FCHO2: variants seen among roughly 807,000 people sequenced by gnomAD.
The protein encoded by FCHO2 is FCH and mu domain containing endocytic adaptor 2.
Under a neutral mutation model 114.1 loss-of-function variants are expected in FCHO2, and 43 were observed. That is an observed-to-expected ratio of 0.38 (90% CI 0.30 to 0.49). The LOEUF (loss-of-function observed/expected upper bound fraction) is 0.49. Ranked by LOEUF, FCHO2 falls within the 20% of genes least tolerant of loss-of-function variation. The probability of loss-of-function intolerance (pLI) is 0.97; values close to 1 mark genes in which losing one functional copy is unlikely to be tolerated. For missense variants in FCHO2, 807 were observed against 950.4 expected (o/e 0.85, Z 1.98); for synonymous variants, 293 against 315.2 (o/e 0.93, Z 0.75).
At chr5:72,974,885 G>T (rs62360748) in intron 2 of FCHO2, among the ~76,000 whole-genome samples, 21,027 of 152,076 alleles carry the variant, frequency 0.14, 1,652 homozygotes, top group East Asian at 0.35. Flanking sequence ...GGGAGCTCTT[G>T]TAGGGCAGGC....
chr5:73,004,133 T>G (rs1483807391), intron 5 of FCHO2, among the ~76,000 whole-genome samples: 2 of 151,674 alleles, frequency 1.3e-5, no homozygotes, highest in African/African-American at 4.8e-5. Context: ...AATACAGGTA[T>G]TAGAAGAACA....
intron 7 of FCHO2, 45 bp downstream of exon 7, chr5:73,015,769 T>C: frequency 1.7e-6 from 2 of 1,207,272 alleles, no homozygotes; most frequent in Non-Finnish European, 2.3e-6. Flanking sequence ...AAAAATTTGT[T>C]TATTTATAGC....
At chr5:73,010,613 A>C (rs937760743) in intron 6 of FCHO2, among the ~76,000 whole-genome samples, 20 of 152,084 alleles carry the variant, frequency 1.3e-4, no homozygotes, top group Non-Finnish European at 2.1e-4. Flanking sequence ...ATGGTGGCTC[A>C]CGCCTGTAAT....
intron 5 of FCHO2, 141 bp downstream of exon 5, chr5:72,991,005 G>A: frequency 1.1e-6 from 1 of 876,412 alleles, no homozygotes. Context: ...GATTACCCAA[G>A]TAAAACACAG....
intron 6 of FCHO2, among the ~76,000 whole-genome samples, chr5:73,007,226 G>A (rs1208087084): frequency 6.6e-6 from 1 of 152,108 alleles, no homozygotes; most frequent in African/African-American, 2.4e-5. Flanking sequence ...CAATATCAAG[G>A]GTTTATTACT....
rs1245599424 is a variant in FCHO2 at position 72,989,490 on chromosome 5, T to C, written c.189T>C (p.Tyr63=). The C allele has an allele frequency of 6.2e-7, 1 of 1,602,410 alleles. No individual in the cohort carries two copies. Among genetic ancestry groups the C allele is most frequent in the Non-Finnish European group, 8.5e-7 (1 of 1,174,014 alleles). Residue 63 remains tyrosine, a synonymous_variant, in exon 3 of 26, where the codon TAT becomes TAC. Transcript: ENST00000430046. The part of the protein sequence containing the change: ...MTKLAKSASN[Y]SQLGTFAPVW... ...AACTAGCAAAATCTGCAAGCAATTA[T>C]TCACAACTTGGGTGAGTTAATTTCT... is the stretch of plus-strand genomic sequence containing the variant.
At position 72,956,079 on chromosome 5, in the gene FCHO2, C is replaced by G. The variant is rs1338440913; in HGVS notation, c.-18C>G. 2 of 1,539,172 alleles carry G rather than the reference C, an allele frequency of 1.3e-6. No individual in the cohort carries two copies. Among genetic ancestry groups the G allele is most frequent in the Non-Finnish European group, 1.8e-6 (2 of 1,142,024 alleles). The stretch of plus-strand genomic sequence containing the variant: ...GGCGGGCGGGCGCGGACGCGGAACC[C>G]GGCGCGGCGGCGGCACGATGGTCAT... On this transcript the variant is annotated 5_prime_UTR_variant, in exon 1 of 26. Coordinates refer to ENST00000430046, the MANE Select transcript of FCHO2 (RefSeq NM_138782.3).
rs866506005 is a variant in FCHO2, at chr5:72,968,558, A to G, written c.94A>G (p.Thr32Ala). 1.3e-6 allele frequency: 2 copies of G among 1,541,160 alleles called. No homozygotes were observed. The highest frequency in any genetic ancestry group is 8.7e-7 in the Non-Finnish European group (1 of 1,152,250). The change falls in exon 2 of 26, where the codon ACA becomes GCA. Residue 32 changes from threonine (T) to alanine (A), a missense_variant. Thr to Ala is a moderately conservative substitution (Grantham distance 58, BLOSUM62 0). Transcript: ENST00000430046. The part of the protein sequence containing the change: ...YHNMKHGQIS[T>A]KELADFVRER... ...TAATATGAAACATGGACAGATATCA[A>G]CAAAAGAACTAGCAGATTTTGTAAG... is the stretch of plus-strand genomic sequence containing the variant.
intron 6 of FCHO2, among the ~76,000 whole-genome samples, chr5:73,015,286 G>A (rs1039297245): frequency 6.7e-6 from 1 of 150,316 alleles, no homozygotes; most frequent in African/African-American, 2.4e-5. Flanking sequence ...TTTTGGAGAC[G>A]GAGTCTCGCT....
chr5:72,963,902 GTTTTTTTTTTTT>G (rs70973214), intron 1 of FCHO2, among the ~76,000 whole-genome samples: 31 of 95,724 alleles, frequency 3.2e-4, no homozygotes, highest in South Asian at 1.8e-3. Context: ...GGAACTTTCA[GTTTTTTTTTTTT>G]TTTTTTTTTT....
At chr5:73,026,653 T>G (rs1465850722) in intron 8 of FCHO2, among the ~76,000 whole-genome samples, 1 of 152,130 alleles carries the variant, frequency 6.6e-6, no homozygotes, top group Non-Finnish European at 1.5e-5. Context: ...GTTATATTAC[T>G]TATTGTATGT....
chr5:72,961,816 C>G (rs1461258660), intron 1 of FCHO2, among the ~76,000 whole-genome samples: 4 of 152,148 alleles, frequency 2.6e-5, no homozygotes, highest in African/African-American at 7.2e-5. Flanking sequence ...GTCTCGAACT[C>G]CTGACCTCAG....
At position 73,006,498 on chromosome 5, in the gene FCHO2, A is replaced by G. The variant is rs774724090; in HGVS notation, c.549A>G (p.Lys183=). 6.3e-7 allele frequency: 1 copy of G among 1,580,158 alleles called. No individual in the cohort carries two copies. Among genetic ancestry groups the G allele is most frequent in the South Asian group, 1.2e-5 (1 of 82,948 alleles). ...ATACCTATAAACTCTATGTGGAAAA[A>G]TATGCATTAGCAAAAGCTGATTTCG... The part of the protein sequence containing the change: ...ATDTYKLYVE[K]YALAKADFEQ... Residue 183 remains lysine (K), a synonymous_variant, in exon 6 of 26, where the codon AAA becomes AAG. Coordinates refer to ENST00000430046, the MANE Select transcript of FCHO2 (RefSeq NM_138782.3).
At chr5:72,962,947 G>A (rs1332716192) in intron 1 of FCHO2, among the ~76,000 whole-genome samples, 1 of 151,904 alleles carries the variant, frequency 6.6e-6, no homozygotes, top group Non-Finnish European at 1.5e-5. Flanking sequence ...GGTCCAAAAA[G>A]ATAAGTATAA....
chr5:72,973,310 T>C (rs1015957073), intron 2 of FCHO2, among the ~76,000 whole-genome samples: 7 of 152,110 alleles, frequency 4.6e-5, no homozygotes, highest in East Asian at 1.9e-4. Context: ...TGGTAGAATT[T>C]GGCTGTGAAT....
chr5:73,016,170 C>T (rs1219779132), intron 7 of FCHO2, among the ~76,000 whole-genome samples: 1 of 151,970 alleles, frequency 6.6e-6, no homozygotes, highest in Non-Finnish European at 1.5e-5. Context: ...TCAAACTAGC[C>T]AGGCACGGTG....
chr5:73,006,376 ATTAAC>A, intron 5 of FCHO2, 64 bp from the exon 6 acceptor site: 1 of 924,872 alleles, frequency 1.1e-6, no homozygotes, highest in Non-Finnish European at 1.5e-6. Context: ...TGTTATTCAT[ATTAAC>A]TTACATTAGG....
At position 73,015,572 on chromosome 5, in the gene FCHO2, A is replaced by G. The variant is rs1283593327; in HGVS notation, c.601-54A>G. On this transcript the variant is annotated intron_variant, in intron 6 of 25. Coordinates refer to ENST00000430046, the MANE Select transcript of FCHO2 (RefSeq NM_138782.3). ...GAAAGCTCTTTTGATTCCAGAATAT[A>G]TATGTATGTACCTGTATATGTTATA... The G allele has an allele frequency of 3.3e-5, 34 of 1,037,834 alleles. No homozygotes were observed. The Admixed American group carries it at 8.8e-4, about 27-fold the overall frequency. 64.3% of individuals were successfully genotyped at this position (1,037,834 alleles called of 1,614,324 possible). A position where few individuals can be genotyped will look rare whatever the true frequency, so the allele number is the denominator to read the frequency against.
At chr5:72,977,305 A>C (rs1423436157) in intron 2 of FCHO2, among the ~76,000 whole-genome samples, 3 of 152,080 alleles carry the variant, frequency 2.0e-5, no homozygotes, top group Non-Finnish European at 4.4e-5. Context: ...CTGACTTTTT[A>C]ATGATGGGCA....
Sources: gnomAD v4.1 joint callset for allele counts (sites outside exome capture counted in the v4.1 genomes callset) on GRCh38, gnomAD v4.1.1 for gene constraint, MANE v1.5 for transcripts, NCBI Gene and HGNC (gene_info 2026-07-23, HGNC 2026-07-21) for gene names.